EXD3: variants seen among roughly 807,000 people sequenced by gnomAD.
EXD3 encodes exonuclease mut-7 homolog.
Under a neutral mutation model 98.0 loss-of-function variants are expected in EXD3, and 92 were observed. The observed-to-expected ratio is 0.94, with a 90% CI of 0.79 to 1.12. EXD3 has a LOEUF of 1.12. EXD3 is among the 50% of genes most tolerant of loss of function. The probability of loss-of-function intolerance (pLI) is 0.00; values close to 1 mark genes in which losing one functional copy is unlikely to be tolerated. For missense variants in EXD3, 1,222 were observed against 1,191.6 expected (o/e 1.03, Z -0.38); for synonymous variants, 569 against 526.0 (o/e 1.08, Z -1.12).
At chr9:137,368,059 C>CT in intron 5 of EXD3, 70 bp from the exon 6 acceptor site, 2 of 1,315,684 alleles carry the variant, frequency 1.5e-6, no homozygotes, top group Admixed American at 3.8e-5. Flanking sequence ...GGTGAGGGGG[C>CT]TACCACCCTT....
At chr9:137,317,302 T>C (rs1269074600) in intron 19 of EXD3, among the ~76,000 whole-genome samples, 1 of 152,174 alleles carries the variant, frequency 6.6e-6, no homozygotes, top group Middle Eastern at 3.4e-3. Flanking sequence ...CAGGACTCCC[T>C]CCCTTGAACC....
chr9:137,351,936 C>T, intron 12 of EXD3, 130 bp downstream of exon 12: 2 of 1,239,556 alleles, frequency 1.6e-6, no homozygotes, highest in East Asian at 5.1e-5. Context: ...CTCACAGCAG[C>T]CCTGGGGCAC....
At chr9:137,345,176 T>C (rs943126833) in intron 17 of EXD3, among the ~76,000 whole-genome samples, 1 of 152,278 alleles carries the variant, frequency 6.6e-6, no homozygotes, top group African/African-American at 2.4e-5. Flanking sequence ...CCCTCCACTT[T>C]GTCAGGACAT....
At chr9:137,418,247 C>T (rs1297275713) in intron 1 of EXD3, among the ~76,000 whole-genome samples, 3 of 152,164 alleles carry the variant, frequency 2.0e-5, no homozygotes, top group Admixed American at 6.5e-5. Flanking sequence ...ACTCAGGAGG[C>T]TGAGGCAGGA....
chr9:137,362,871 C>T (rs375384103), intron 7 of EXD3, among the ~76,000 whole-genome samples: 18 of 152,216 alleles, frequency 1.2e-4, no homozygotes, highest in East Asian at 3.9e-4. Context: ...AGTGCAATGG[C>T]GCAATCTCGG....
intron 10 of EXD3, chr9:137,353,537 T>C (rs915421585): frequency 1.8e-5 from 18 of 985,918 alleles, no homozygotes; most frequent in Non-Finnish European, 2.0e-5. Context: ...GCCCTCTGGG[T>C]GGCAATGACC....
rs1316021165 is a variant in EXD3, at chr9:137,348,746, C to T, written c.1830+364G>A. On this transcript the variant is annotated intron_variant, in intron 16 of 21. Coordinates refer to ENST00000340951, the MANE Select transcript of EXD3 (RefSeq NM_017820.5). ...GCTAGATAGAGAGGGGTGGGGATCA[C>T]GGGGAGGGGTTAGATAGAGAGGGGA... is the stretch of plus-strand genomic sequence containing the variant. 3.2e-3 allele frequency among the ~76,000 whole-genome samples: 178 copies of T among 55,268 alleles called. 1 individual carries two copies. Among genetic ancestry groups the T allele is most frequent in the African/African-American group, 0.012 (161 of 13,210 alleles). The allele number at this position is 55,268 out of a possible 152,430, so 36.3% of individuals were successfully genotyped here.
chr9:137,320,362 C>T (rs1831967218), intron 19 of EXD3, among the ~76,000 whole-genome samples: 1 of 152,342 alleles, frequency 6.6e-6, no homozygotes, highest in South Asian at 2.1e-4. Flanking sequence ...CTCCTTCCCT[C>T]ACTGCCTTGG....
At chr9:137,333,577 G>A (rs1017454724) in intron 17 of EXD3, among the ~76,000 whole-genome samples, 1 of 152,130 alleles carries the variant, frequency 6.6e-6, no homozygotes, top group African/African-American at 2.4e-5. Flanking sequence ...GATTTCTCAG[G>A]AGTGGCTTAG....
chr9:137,416,569 G>T (rs776920482), intron 1 of EXD3, among the ~76,000 whole-genome samples: 1 of 151,972 alleles, frequency 6.6e-6, no homozygotes, highest in African/African-American at 2.4e-5. Flanking sequence ...TCGTCAGCCC[G>T]GCTGCTGCTT....
chr9:137,416,407 C>T (rs942334832), intron 1 of EXD3, among the ~76,000 whole-genome samples: 4 of 152,218 alleles, frequency 2.6e-5, no homozygotes, highest in African/African-American at 4.8e-5. Context: ...GTCCAGCTCA[C>T]ACTCCACCGC....
At chr9:137,335,794 C>G (rs1343245367) in intron 17 of EXD3, among the ~76,000 whole-genome samples, 1 of 152,146 alleles carries the variant, frequency 6.6e-6, no homozygotes. Flanking sequence ...TACTGAGTAT[C>G]TACCCAAAGG....
At chr9:137,355,498 A>ACCTAGAAACACTGCAAAATCCAG (rs1564508308) in intron 8 of EXD3, among the ~76,000 whole-genome samples, 1 of 94,226 alleles carries the variant, frequency 1.1e-5, no homozygotes, top group Non-Finnish European at 2.2e-5. Context: ...AGGATGGAGG[A>ACCTAGAAACACTGCAAAATCCAG]AGGAGGAAGG....
chr9:137,349,365 A>C lies in EXD3; in HGVS notation c.1657+4T>G. ...GGGTCACTCCCACCCGCCGCACCGC[A>C]CACCTGCGTAGATGACCTGCTCCTC... On this transcript the variant is annotated splice_donor_region_variant and intron_variant, in intron 15 of 21. Coordinates refer to ENST00000340951, the MANE Select transcript of EXD3 (RefSeq NM_017820.5). This position sits in a 1 kb window ranked among gnomAD's most constrained non-coding sequence, Gnocchi z 7.4. 1.3e-6 allele frequency: 2 copies of C among 1,581,100 alleles called. No individual in the cohort carries two copies. Among genetic ancestry groups the C allele is most frequent in the Non-Finnish European group, 1.7e-6 (2 of 1,169,316 alleles).
At chr9:137,388,807 A>AC (rs1836745531) in intron 2 of EXD3, among the ~76,000 whole-genome samples, 1 of 151,918 alleles carries the variant, frequency 6.6e-6, no homozygotes, top group South Asian at 2.1e-4. Flanking sequence ...GCAGCATCAG[A>AC]CCCCGCGGCA....
intron 1 of EXD3, among the ~76,000 whole-genome samples, chr9:137,401,119 T>C (rs1046083928): frequency 6.6e-6 from 1 of 151,238 alleles, no homozygotes; most frequent in Non-Finnish European, 1.5e-5. Context: ...AGTGTCCCAG[T>C]AGGGACTCTG....
At position 137,407,214 on chromosome 9, in the gene EXD3, C is replaced by CCCAGGCGCCTGAAGT. The variant is rs201591825; in HGVS notation, c.-47-11811_-47-11810insACTTCAGGCGCCTGG. Among the ~76,000 whole-genome samples the CCCAGGCGCCTGAAGT allele has an allele frequency of 0.019, 2,942 of 152,266 alleles. 79 individuals are homozygous for CCCAGGCGCCTGAAGT. The highest frequency in any genetic ancestry group is 0.066 in the African/African-American group (2,753 of 41,548). ...CCTCCTCCGTCTCAGCCGCGTCGGT[C>CCCAGGCGCCTGAAGT]CCAGGCGCCTCCCCTACCCGCACGC... On this transcript the variant is annotated intron_variant, in intron 1 of 21. Transcript: ENST00000340951. This position sits in a 1 kb window ranked among gnomAD's most constrained non-coding sequence, Gnocchi z 4.4.
rs573848451 is a variant in EXD3, at chr9:137,401,833, T to A, written c.-47-6429A>T. On this transcript the variant is annotated intron_variant, in intron 1 of 21. Transcript: ENST00000340951. ...ATGATGGGAGGGGCTGCCATGAAGG[T>A]CTCTGACATGACCTGGAGACATTTT... is the stretch of plus-strand genomic sequence containing the variant. Among the ~76,000 whole-genome samples, 5 of 152,308 alleles carry A rather than the reference T, an allele frequency of 3.3e-5. No individual in the cohort carries two copies. The East Asian group carries it at 5.8e-4, about 18-fold the overall frequency.
intron 20 of EXD3, among the ~76,000 whole-genome samples, 184 bp downstream of exon 20, chr9:137,309,423 C>A (rs117880638): frequency 0.016 from 2,394 of 152,302 alleles, 29 homozygotes; most frequent in Middle Eastern, 0.031. Flanking sequence ...GGGTACCTGA[C>A]CCTGGCTGTG....
Sources: allele counts gnomAD v4.1 joint callset (sites outside exome capture counted in the v4.1 genomes callset), GRCh38; gene constraint gnomAD v4.1.1; non-coding constraint Gnocchi (gnomAD v3.1); transcripts MANE v1.5; gene names NCBI Gene and HGNC (gene_info 2026-07-23, HGNC 2026-07-21).